The following ARHGAP42 variants were observed in gnomAD, a reference collection of about 807,000 sequenced individuals.
The protein encoded by ARHGAP42 is rho GTPase-activating protein 42.
ARHGAP42 carries 63 observed loss-of-function variants against 125.0 expected under a neutral mutation model. That is an observed-to-expected ratio of 0.50 (90% CI 0.41 to 0.62). ARHGAP42 has a LOEUF of 0.62. Among genes scored for constraint, ARHGAP42 ranks in the 20% least tolerant of loss-of-function variants. The probability of loss-of-function intolerance (pLI) is 0.00; values close to 1 mark genes in which losing one functional copy is unlikely to be tolerated. For missense variants in ARHGAP42, 766 were observed against 1,024.2 expected, an observed-to-expected ratio of 0.75 and a Z score of 3.44; for synonymous variants, 339 against 351.0, an observed-to-expected ratio of 0.97 and a Z score of 0.38.
chr11:100,962,842 C>G (rs966465156), intron 16 of ARHGAP42, among the ~76,000 whole-genome samples: 1 of 152,028 alleles, frequency 6.6e-6, no homozygotes, highest in Non-Finnish European at 1.5e-5. Context: ...CGCCATTGCA[C>G]TCCAGCCTGG....
chr11:100,822,368 G>A (rs998923417), intron 3 of ARHGAP42, among the ~76,000 whole-genome samples: 1 of 152,006 alleles, frequency 6.6e-6, no homozygotes, highest in Non-Finnish European at 1.5e-5. Flanking sequence ...ATCAGTGGTG[G>A]ATTATAGGGG....
At chr11:100,950,968 G>A (rs7946168) in intron 12 of ARHGAP42, among the ~76,000 whole-genome samples, 3 of 151,730 alleles carry the variant, frequency 2.0e-5, no homozygotes, top group Non-Finnish European at 2.9e-5. Flanking sequence ...TTCCCACCTT[G>A]GTCTCCCAAA....
At chr11:100,711,939 A>AT (rs775980155) in intron 1 of ARHGAP42, among the ~76,000 whole-genome samples, 1 of 152,238 alleles carries the variant, frequency 6.6e-6, no homozygotes, top group African/African-American at 2.4e-5. Context: ...TCTTTGGCTA[A>AT]TTAAAGGTGT....
intron 22 of ARHGAP42, among the ~76,000 whole-genome samples, chr11:100,987,168 G>A (rs756976404): frequency 6.6e-6 from 1 of 152,082 alleles, no homozygotes; most frequent in African/African-American, 2.4e-5. Flanking sequence ...AGGAACCTTC[G>A]TTCCTACATA....
At chr11:100,931,843 T>C (rs1015155630) in intron 6 of ARHGAP42, among the ~76,000 whole-genome samples, 1 of 152,200 alleles carries the variant, frequency 6.6e-6, no homozygotes, top group African/African-American at 2.4e-5. Flanking sequence ...AGGTAGACTA[T>C]ATATTTTATT....
chr11:100,878,505 C>T (rs1051349938), intron 4 of ARHGAP42, among the ~76,000 whole-genome samples: 5 of 152,166 alleles, frequency 3.3e-5, no homozygotes, highest in Non-Finnish European at 7.3e-5. Context: ...TGTTTTCTCC[C>T]AGGGACCTGC....
Position 100,794,075 on chromosome 11 carries a change from C to CAA in ARHGAP42, c.251-994_251-993dup, listed in dbSNP as rs869272420. Among the ~76,000 whole-genome samples, 57 of 44,842 alleles carry CAA rather than the reference C, an allele frequency of 1.3e-3. 10 individuals are homozygous for CAA. Among genetic ancestry groups the CAA allele is most frequent in the South Asian group, 2.7e-3 (2 of 734 alleles). The allele number at this position is 44,842 out of a possible 152,430, so 29.4% of individuals were successfully genotyped here. A position where few individuals can be genotyped will look rare whatever the true frequency, so the allele number is the denominator to read the frequency against. On this transcript the variant is annotated intron_variant, in intron 2 of 23. Coordinates refer to ENST00000298815, the MANE Select transcript of ARHGAP42 (RefSeq NM_152432.4). Reference sequence around the variant, plus strand: ...CGAACAACAGAGCTAGACCCTGTCTCAAAAAAAAAAAAAAAAAAAAAAAAA... The same window carrying CAA: ...CGAACAACAGAGCTAGACCCTGTCTCAAAAAAAAAAAAAAAAAAAAAAAAAAA...
At chr11:100,729,107 G>C (rs1861913751) in intron 1 of ARHGAP42, among the ~76,000 whole-genome samples, 1 of 151,926 alleles carries the variant, frequency 6.6e-6, no homozygotes. Flanking sequence ...CAGTAACAAA[G>C]TCAGAAAATA....
chr11:100,723,071 ATATTT>A (rs1861793626), intron 1 of ARHGAP42, among the ~76,000 whole-genome samples: 1 of 152,094 alleles, frequency 6.6e-6, no homozygotes, highest in Non-Finnish European at 1.5e-5. Context: ...TTGCATTATT[ATATTT>A]TATTTGCTCC....
At chr11:100,876,019 C>A (rs1290367406) in intron 4 of ARHGAP42, among the ~76,000 whole-genome samples, 1 of 151,856 alleles carries the variant, frequency 6.6e-6, no homozygotes, top group Non-Finnish European at 1.5e-5. Flanking sequence ...CTCTTTGATT[C>A]CTTATAAAAA....
At chr11:100,843,612 A>G (rs1467315799) in intron 3 of ARHGAP42, among the ~76,000 whole-genome samples, 1 of 152,206 alleles carries the variant, frequency 6.6e-6, no homozygotes, top group Non-Finnish European at 1.5e-5. Context: ...AAGTTTCCAG[A>G]TAAAAGATTA....
At chr11:100,970,397 A>G (rs1858208753) in intron 17 of ARHGAP42, among the ~76,000 whole-genome samples, 1 of 152,124 alleles carries the variant, frequency 6.6e-6, no homozygotes. Context: ...GACCACAGTC[A>G]CCCAGGGATA....
intron 2 of ARHGAP42, among the ~76,000 whole-genome samples, chr11:100,782,454 G>T (rs1388568790): frequency 6.6e-6 from 1 of 152,210 alleles, no homozygotes; most frequent in Non-Finnish European, 1.5e-5. Flanking sequence ...TTAGAAGTGA[G>T]TTAGGAGGCA....
chr11:100,848,401 G>C (rs1865121833), intron 3 of ARHGAP42, among the ~76,000 whole-genome samples: 1 of 152,088 alleles, frequency 6.6e-6, no homozygotes, highest in Non-Finnish European at 1.5e-5. Context: ...TCTGTGTTTG[G>C]GGACCGGGTT....
At chr11:100,895,105 A>G (rs1372161520) in intron 4 of ARHGAP42, among the ~76,000 whole-genome samples, 3 of 152,214 alleles carry the variant, frequency 2.0e-5, no homozygotes, top group African/African-American at 4.8e-5. Context: ...GCTTTCTTAC[A>G]TGATAGAGAG....
At chr11:100,937,811 T>C (rs563851885) in intron 8 of ARHGAP42, among the ~76,000 whole-genome samples, 1 of 152,224 alleles carries the variant, frequency 6.6e-6, no homozygotes, top group Non-Finnish European at 1.5e-5. Flanking sequence ...TATTCGGTCC[T>C]ACTTGGTAGT....
At chr11:100,877,026 C>A (rs981794194) in intron 4 of ARHGAP42, among the ~76,000 whole-genome samples, 6 of 152,176 alleles carry the variant, frequency 3.9e-5, no homozygotes, top group African/African-American at 1.2e-4. Context: ...AGAAAGATTT[C>A]AGGCATTGAA....
chr11:100,763,074 G>T (rs980414068), intron 1 of ARHGAP42, among the ~76,000 whole-genome samples: 1 of 143,962 alleles, frequency 6.9e-6, no homozygotes, highest in Non-Finnish European at 1.5e-5. Flanking sequence ...CCTCCTCCCA[G>T]GTTCAAGCAA....
In ARHGAP42 at chr11:100,991,176, A is replaced by G. The variant is rs1019961464; in HGVS notation, c.*2375A>G. Reference sequence around the variant, plus strand: ...TTGTGAGGATGGCTCTTTTTCCTTCATAATGGATTACAATGTAAGCAAGTC... The same window carrying G: ...TTGTGAGGATGGCTCTTTTTCCTTCGTAATGGATTACAATGTAAGCAAGTC... On this transcript the variant is annotated 3_prime_UTR_variant, in exon 24 of 24. Transcript: ENST00000298815. 1.8e-4 allele frequency: 27 copies of G among 149,912 alleles called. No homozygotes were observed. The highest frequency in any genetic ancestry group is 5.8e-4 in the African/African-American group (24 of 41,398). 9.3% of individuals were successfully genotyped at this position (149,912 alleles called of 1,614,324 possible).
Sources: gnomAD v4.1 joint callset for allele counts (sites outside exome capture counted in the v4.1 genomes callset) on GRCh38, gnomAD v4.1.1 for gene constraint, MANE v1.5 for transcripts, NCBI Gene and HGNC (gene_info 2026-07-23, HGNC 2026-07-21) for gene names.